Variants in RGS6 observed in about 807,000 individuals in gnomAD.
The protein encoded by RGS6 is regulator of G-protein signaling 6.
In RGS6, 30 loss-of-function variants were observed where a neutral mutation model predicts 78.5. The observed-to-expected ratio is 0.38, with a 90% CI of 0.29 to 0.52. RGS6 has a LOEUF of 0.52. Among genes scored for constraint, RGS6 ranks in the 20% least tolerant of loss-of-function variants. RGS6 has a pLI of 0.85. For synonymous variants in RGS6, 206 were observed against 206.0 expected, an observed-to-expected ratio of 1.00 and a Z score of 0.00; for missense variants, 495 against 609.7, an observed-to-expected ratio of 0.81 and a Z score of 1.98.
chr14:72,009,770 G>T (rs1384600932), intron 2 of RGS6, among the ~76,000 whole-genome samples: 1 of 152,180 alleles, frequency 6.6e-6, no homozygotes, highest in Non-Finnish European at 1.5e-5. Context: ...ACAGCAATAG[G>T]TAACTAATTC....
intron 2 of RGS6, among the ~76,000 whole-genome samples, chr14:72,021,734 A>G (rs2153275286): frequency 6.6e-6 from 1 of 151,664 alleles, no homozygotes; most frequent in East Asian, 1.9e-4. Flanking sequence ...GGCCTCCCAT[A>G]GTGCTGGGAT....
At chr14:72,035,800 G>A (rs1158435809) in intron 2 of RGS6, among the ~76,000 whole-genome samples, 1 of 151,962 alleles carries the variant, frequency 6.6e-6, no homozygotes, top group Non-Finnish European at 1.5e-5. Flanking sequence ...CAAAAATGAG[G>A]CTCTGATTAG....
At chr14:72,535,411 T>C (rs2097236972) in intron 15 of RGS6, among the ~76,000 whole-genome samples, 1 of 152,232 alleles carries the variant, frequency 6.6e-6, no homozygotes, top group South Asian at 2.1e-4. Context: ...TATTTTGAGA[T>C]ACGTATTGAT....
At chr14:72,535,995 C>A (rs1220723681) in intron 15 of RGS6, among the ~76,000 whole-genome samples, 191 bp from the exon 16 acceptor site, 1 of 152,118 alleles carries the variant, frequency 6.6e-6, no homozygotes, top group Non-Finnish European at 1.5e-5. Flanking sequence ...TAAGAGAGCC[C>A]ATATGTTTTG....
chr14:71,966,625 T>A (rs957728561), intron 2 of RGS6, among the ~76,000 whole-genome samples: 2 of 152,252 alleles, frequency 1.3e-5, no homozygotes, highest in South Asian at 2.1e-4. Context: ...TGAGCCACAA[T>A]TTTTTCATCT....
Position 72,470,143 on chromosome 14 carries a change from T to A in RGS6, c.536+60T>A, listed in dbSNP as rs1212449918. On this transcript the variant is annotated intron_variant, in intron 8 of 17. Transcript: ENST00000553525. ...AAAAGACTCTGGAATTTGGAAATGG[T>A]GTGAAGGTGGGATTGTCAAAGTGAA... The A allele has an allele frequency of 3.1e-6, 4 of 1,294,484 alleles. No individual in the cohort carries two copies. The East Asian group carries it at 6.9e-5, about 22-fold the overall frequency. The allele number at this position is 1,294,484 out of a possible 1,614,324, so 80.2% of individuals were successfully genotyped here. A position where few individuals can be genotyped will look rare whatever the true frequency, so the allele number is the denominator to read the frequency against.
chr14:72,613,165 A>G, the RGS6 span, among the ~76,000 whole-genome samples: 1 of 152,216 alleles, frequency 6.6e-6, no homozygotes, highest in Non-Finnish European at 1.5e-5. Context: ...GAGTGAAAAT[A>G]TAACCTGGGA....
chr14:72,600,251 A>G, the RGS6 span, among the ~76,000 whole-genome samples: 3,270 of 152,164 alleles, frequency 0.021, 118 homozygotes, highest in African/African-American at 0.075. Flanking sequence ...TATCCTGGCC[A>G]GGCACTGGCC....
chr14:72,115,302 C>G (rs566367533), intron 2 of RGS6, among the ~76,000 whole-genome samples: 2 of 152,154 alleles, frequency 1.3e-5, no homozygotes, highest in Non-Finnish European at 2.9e-5. Flanking sequence ...TGCTGTGTCT[C>G]TCTCTGATGC....
At chr14:72,169,817 C>T (rs2153680389) in intron 2 of RGS6, among the ~76,000 whole-genome samples, 1 of 152,278 alleles carries the variant, frequency 6.6e-6, no homozygotes, top group South Asian at 2.1e-4. Flanking sequence ...AGTATAGGGG[C>T]ACATGGGCAC....
the RGS6 span, among the ~76,000 whole-genome samples, chr14:72,597,765 C>T: frequency 6.6e-6 from 1 of 152,132 alleles, no homozygotes; most frequent in Non-Finnish European, 1.5e-5. Flanking sequence ...TGTTATTTTT[C>T]CTGGACTTGG....
intron 2 of RGS6, among the ~76,000 whole-genome samples, chr14:71,969,631 C>T (rs2093694656): frequency 6.6e-6 from 1 of 152,114 alleles, no homozygotes. Context: ...CATTCTTTTC[C>T]TCCTTCCTTT....
In RGS6 at chr14:72,455,977, C is replaced by T. The variant is rs2095619402; in HGVS notation, c.235+1399C>T. On this transcript the variant is annotated intron_variant, in intron 4 of 17. Transcript: ENST00000553525. The stretch of plus-strand genomic sequence containing the variant: ...TATTTTATTATTACTATTATGAGAA[C>T]CCTAAATTGGCGAGCAGTATGTGAG... Among the ~76,000 whole-genome samples, 6 of 152,212 alleles carry T rather than the reference C, an allele frequency of 3.9e-5. No individual in the cohort carries two copies. The South Asian group carries it at 1.0e-3, about 26-fold the overall frequency.
chr14:72,532,719 A>T (rs775633636), intron 15 of RGS6, among the ~76,000 whole-genome samples: 5 of 152,258 alleles, frequency 3.3e-5, no homozygotes, highest in Non-Finnish European at 7.3e-5. Flanking sequence ...TGGTCTGAAT[A>T]GAAGATCAAA....
chr14:72,408,098 G>A (rs912726671), intron 3 of RGS6, among the ~76,000 whole-genome samples: 15 of 152,166 alleles, frequency 9.9e-5, no homozygotes, highest in Non-Finnish European at 5.9e-5. Flanking sequence ...ACTCATGCTT[G>A]TTTATCCACT....
chr14:72,393,717 A>G (rs1810334773), intron 3 of RGS6, among the ~76,000 whole-genome samples: 1 of 152,234 alleles, frequency 6.6e-6, no homozygotes, highest in African/African-American at 2.4e-5. Flanking sequence ...ATAGGTAGTG[A>G]GACTGATGCC....
chr14:72,560,710 T>C (rs912083189), intron 17 of RGS6, among the ~76,000 whole-genome samples: 5 of 152,088 alleles, frequency 3.3e-5, no homozygotes, highest in African/African-American at 1.2e-4. Context: ...AAAAACTCCT[T>C]AGCCAAGTAT....
chr14:72,272,652 C>T (rs966908288), intron 2 of RGS6, among the ~76,000 whole-genome samples: 11 of 152,216 alleles, frequency 7.2e-5, no homozygotes, highest in Admixed American at 7.2e-4. Context: ...TCTCTTGGGC[C>T]CAGCCCCATC....
chr14:72,538,217 G>A (rs566203574), intron 16 of RGS6, among the ~76,000 whole-genome samples: 2 of 152,278 alleles, frequency 1.3e-5, no homozygotes, highest in South Asian at 4.2e-4. Context: ...TGATTTCAGG[G>A]ACGGGTTCAC....
Sources: allele counts gnomAD v4.1 joint callset (sites outside exome capture counted in the v4.1 genomes callset), GRCh38; gene constraint gnomAD v4.1.1; transcripts MANE v1.5; gene names NCBI Gene and HGNC (gene_info 2026-07-23, HGNC 2026-07-21).